The following SGTB variants were observed in gnomAD, a reference collection of about 807,000 sequenced individuals.
SGTB encodes small glutamine-rich tetratricopeptide repeat-containing protein beta.
Under a neutral mutation model 43.9 loss-of-function variants are expected in SGTB, and 19 were observed. That is an observed-to-expected ratio of 0.43 (90% confidence interval 0.30 to 0.63). SGTB has a LOEUF of 0.63. Ranked by LOEUF, SGTB falls within the 30% of genes least tolerant of loss-of-function variation. The pLI is 0.12. For missense variants in SGTB, 304 were observed against 358.9 expected (o/e 0.85, Z 1.24); for synonymous variants, 116 against 117.3 (o/e 0.99, Z 0.07).
intron 6 of SGTB, among the ~76,000 whole-genome samples, chr5:65,682,092 G>A (rs1248172880): frequency 6.6e-6 from 1 of 152,164 alleles, no homozygotes; most frequent in Non-Finnish European, 1.5e-5. Context: ...TAGGAGAGCT[G>A]CTCAAAAAGT....
chr5:65,689,906 A>T (rs945604944), intron 5 of SGTB, among the ~76,000 whole-genome samples: 7 of 69,454 alleles, frequency 1.0e-4, no homozygotes, highest in African/African-American at 3.3e-4. Flanking sequence ...GCTTCAGTTT[A>T]AAAAAAATTA....
At chr5:65,674,788 C>G (rs1412566698) in intron 8 of SGTB, among the ~76,000 whole-genome samples, 1 of 151,942 alleles carries the variant, frequency 6.6e-6, no homozygotes, top group Non-Finnish European at 1.5e-5. Context: ...TGTTACAATG[C>G]CATAACCTGA....
rs1258592037 is a variant in SGTB at position 65,691,093 on chromosome 5, C to T, written c.375-5621G>A. On this transcript the variant is annotated intron_variant, in intron 5 of 10. Coordinates refer to ENST00000381007, the MANE Select transcript of SGTB (RefSeq NM_019072.3). ...GGTGGTAATGGAAGAAGGGTTTTCA[C>T]CATGGGAGAAGGAAGATACAAATAT... Among the ~76,000 whole-genome samples, 3 of 152,088 alleles carry T rather than the reference C, an allele frequency of 2.0e-5. No homozygotes were observed. In the East Asian group the frequency reaches 5.8e-4, roughly 29 times the overall value.
intron 5 of SGTB, among the ~76,000 whole-genome samples, chr5:65,703,605 C>T (rs904356923): frequency 1.3e-5 from 2 of 152,006 alleles, no homozygotes; most frequent in African/African-American, 4.8e-5. Context: ...TGTAGTCCAC[C>T]TGATGTCCCA....
chr5:65,693,020 C>A (rs1390780621), intron 5 of SGTB, among the ~76,000 whole-genome samples: 1 of 152,026 alleles, frequency 6.6e-6, no homozygotes, highest in Non-Finnish European at 1.5e-5. Context: ...GCCTGCCCAA[C>A]ATGATGAAAT....
chr5:65,670,395 G>T (rs756567580), intron 10 of SGTB, 38 bp from the exon 11 acceptor site: 1 of 1,544,290 alleles, frequency 6.5e-7, no homozygotes. Flanking sequence ...ATAGGGAATT[G>T]CCAGTCACAT....
intron 5 of SGTB, among the ~76,000 whole-genome samples, chr5:65,692,403 T>C (rs1757630989): frequency 6.6e-6 from 1 of 152,140 alleles, no homozygotes. Context: ...ATATCAAACT[T>C]AGAGTCACCA....
At chr5:65,676,095 C>G (rs1411626654) in intron 8 of SGTB, among the ~76,000 whole-genome samples, 1 of 152,052 alleles carries the variant, frequency 6.6e-6, no homozygotes, top group Non-Finnish European at 1.5e-5. Flanking sequence ...AAGAGACCCA[C>G]TATACATACA....
chr5:65,672,793 T>C (rs1205747591), intron 8 of SGTB, among the ~76,000 whole-genome samples: 3 of 152,220 alleles, frequency 2.0e-5, no homozygotes, highest in African/African-American at 7.2e-5. Flanking sequence ...ATGTCGACAA[T>C]ATTTATGTAA....
At chr5:65,685,553 T>G in intron 5 of SGTB, 81 bp from the exon 6 acceptor site, 1 of 1,106,830 alleles carries the variant, frequency 9.0e-7, no homozygotes, top group Non-Finnish European at 1.3e-6. Context: ...TAATACTACC[T>G]TTTTCTTGTT....
chr5:65,713,543 C>G (rs1219103327), intron 2 of SGTB, among the ~76,000 whole-genome samples: 1 of 152,138 alleles, frequency 6.6e-6, no homozygotes, highest in South Asian at 2.1e-4. Flanking sequence ...GTCTCAAACT[C>G]CTGGGCTCAA....
intron 5 of SGTB, among the ~76,000 whole-genome samples, chr5:65,698,381 C>G (rs560059678): frequency 3.7e-4 from 57 of 152,200 alleles, no homozygotes; most frequent in Middle Eastern, 3.4e-3. Flanking sequence ...CCATAACAAC[C>G]CTACAAGGTA....
At chr5:65,679,565 C>G (rs910398254) in intron 8 of SGTB, among the ~76,000 whole-genome samples, 1 of 151,956 alleles carries the variant, frequency 6.6e-6, no homozygotes, top group African/African-American at 2.4e-5. Context: ...TGCAGTGAGC[C>G]AAGATCACAC....
chr5:65,681,448 CTG>C (rs1242587258), intron 6 of SGTB, among the ~76,000 whole-genome samples: 2 of 152,060 alleles, frequency 1.3e-5, no homozygotes, highest in African/African-American at 4.8e-5. Flanking sequence ...TAAACAATAA[CTG>C]TATATATGGT....
intron 5 of SGTB, among the ~76,000 whole-genome samples, chr5:65,693,238 AAG>A (rs148053485): frequency 2.7e-5 from 4 of 150,596 alleles, no homozygotes; most frequent in African/African-American, 7.4e-5. Context: ...GAAAGAGAGA[AAG>A]AGAGAGAGGA....
chr5:65,693,850 G>A (rs189317605), intron 5 of SGTB, among the ~76,000 whole-genome samples: 152 of 152,276 alleles, frequency 1.0e-3, no homozygotes, highest in Middle Eastern at 3.4e-3. Context: ...ACAGAGAAAG[G>A]TGTGGCTAAC....
chr5:65,689,091 T>G (rs1276701587), intron 5 of SGTB, among the ~76,000 whole-genome samples: 2 of 152,358 alleles, frequency 1.3e-5, no homozygotes, highest in East Asian at 3.9e-4. Flanking sequence ...ATTACAGGCG[T>G]GAGCCACCAT....
chr5:65,709,789 C>CA (rs1409342709), intron 3 of SGTB, among the ~76,000 whole-genome samples: 2 of 152,110 alleles, frequency 1.3e-5, no homozygotes, highest in Non-Finnish European at 2.9e-5. Flanking sequence ...TGTATAGAGA[C>CA]AGGGTCTCCC....
chr5:65,705,168 C>T (rs1579878702), intron 4 of SGTB, among the ~76,000 whole-genome samples: 3 of 152,116 alleles, frequency 2.0e-5, no homozygotes, highest in South Asian at 2.1e-4. Flanking sequence ...TATGTCTGGG[C>T]GTGGTGGCTT....
Sources: gnomAD v4.1 joint callset for allele counts (sites outside exome capture counted in the v4.1 genomes callset) on GRCh38, gnomAD v4.1.1 for gene constraint, MANE v1.5 for transcripts, NCBI Gene and HGNC (gene_info 2026-07-23, HGNC 2026-07-21) for gene names.